MCPH1: variants seen among roughly 807,000 people sequenced by gnomAD.
MCPH1 encodes the protein microcephalin.
Under a neutral mutation model 84.5 loss-of-function variants are expected in MCPH1, and 104 were observed. The observed-to-expected ratio is 1.23, with a 90% CI of 1.05 to 1.45. MCPH1 has a LOEUF of 1.45. Among genes scored for constraint, MCPH1 ranks in the 40% most tolerant of loss-of-function variants. MCPH1 has a pLI of 0.00. For missense variants in MCPH1, 1,498 were observed against 1,005.7 expected, an observed-to-expected ratio of 1.49 and a Z score of -6.62; for synonymous variants, 514 against 366.8, an observed-to-expected ratio of 1.40 and a Z score of -4.58.
At chr8:6,474,100 G>C in intron 9 of MCPH1, 1 of 771,450 alleles carries the variant, frequency 1.3e-6, no homozygotes, top group Non-Finnish European at 2.4e-6. Flanking sequence ...TGTGAAACCA[G>C]CGTTCAGGGA....
chr8:6,526,076 C>A (rs1388754460), intron 12 of MCPH1, among the ~76,000 whole-genome samples: 1 of 151,896 alleles, frequency 6.6e-6, no homozygotes, highest in Non-Finnish European at 1.5e-5. Flanking sequence ...CCCATGTGTT[C>A]CAGGAATCAC....
chr8:6,641,897 G>C (rs1029152449), intron 13 of MCPH1, among the ~76,000 whole-genome samples: 1 of 152,052 alleles, frequency 6.6e-6, no homozygotes. Flanking sequence ...ACAAATGTTA[G>C]TGTTCCTCCC....
intron 12 of MCPH1, among the ~76,000 whole-genome samples, chr8:6,523,711 T>C (rs1357042950): frequency 6.6e-6 from 1 of 152,146 alleles, no homozygotes; most frequent in African/African-American, 2.4e-5. Flanking sequence ...TGCCTCAGCC[T>C]CCTGAGTAGT....
intron 12 of MCPH1, among the ~76,000 whole-genome samples, chr8:6,564,529 T>C (rs1563135322): frequency 6.6e-6 from 1 of 152,210 alleles, no homozygotes; most frequent in Non-Finnish European, 1.5e-5. Flanking sequence ...ATTAATAATA[T>C]GTTAACTCAG....
At chr8:6,592,633 T>TC (rs1828576138) in intron 12 of MCPH1, among the ~76,000 whole-genome samples, 4 of 142,240 alleles carry the variant, frequency 2.8e-5, no homozygotes, top group Non-Finnish European at 6.1e-5. Flanking sequence ...GTTTTTTTTT[T>TC]TTTTTTTTTT....
chr8:6,433,019 A>G (rs1802067974), intron 4 of MCPH1, among the ~76,000 whole-genome samples: 1 of 152,172 alleles, frequency 6.6e-6, no homozygotes, highest in African/African-American at 2.4e-5. Context: ...ACACTCACAC[A>G]TGCATGCTTG....
At chr8:6,463,358 T>A (rs1483533870) in intron 9 of MCPH1, among the ~76,000 whole-genome samples, 1 of 152,216 alleles carries the variant, frequency 6.6e-6, no homozygotes, top group African/African-American at 2.4e-5. Context: ...TGAGCTGCGA[T>A]AGGGTACTCA....
At chr8:6,485,273 C>T (rs1022381880) in intron 11 of MCPH1, among the ~76,000 whole-genome samples, 3 of 151,642 alleles carry the variant, frequency 2.0e-5, no homozygotes, top group East Asian at 1.9e-4. Flanking sequence ...TGCAGTGAGC[C>T]GAGATCACGC....
chr8:6,510,687 C>A (rs1814882343), intron 12 of MCPH1, among the ~76,000 whole-genome samples: 1 of 152,160 alleles, frequency 6.6e-6, no homozygotes, highest in African/African-American at 2.4e-5. Context: ...CCAGATGCAG[C>A]AAATGCCTCT....
intron 12 of MCPH1, among the ~76,000 whole-genome samples, chr8:6,516,788 C>T (rs981346960): frequency 6.6e-6 from 1 of 152,086 alleles, no homozygotes; most frequent in African/African-American, 2.4e-5. Context: ...TCTTCAGTGT[C>T]AAAATTACTG....
At chr8:6,513,348 T>C (rs186609166) in intron 12 of MCPH1, among the ~76,000 whole-genome samples, 300 of 151,730 alleles carry the variant, frequency 2.0e-3, no homozygotes, top group African/African-American at 6.7e-3. Context: ...TTTTTTTTTT[T>C]TTGAGACGGA....
chr8:6,571,699 A>G (rs1826671404), intron 12 of MCPH1, among the ~76,000 whole-genome samples: 1 of 152,196 alleles, frequency 6.6e-6, no homozygotes, highest in Admixed American at 6.5e-5. Context: ...AAAATTGCTT[A>G]TGTCAAAGAA....
intron 12 of MCPH1, among the ~76,000 whole-genome samples, chr8:6,512,904 TCTCTAA>T (rs1361448625): frequency 6.6e-6 from 1 of 152,238 alleles, no homozygotes; most frequent in Non-Finnish European, 1.5e-5. Flanking sequence ...AACTCTGCCA[TCTCTAA>T]ACTTGACAAC....
At chr8:6,482,825 C>G (rs992971945) in intron 11 of MCPH1, among the ~76,000 whole-genome samples, 1 of 152,178 alleles carries the variant, frequency 6.6e-6, no homozygotes, top group Non-Finnish European at 1.5e-5. Context: ...CATTAAAACA[C>G]ATTATTTAAT....
intron 11 of MCPH1, among the ~76,000 whole-genome samples, chr8:6,497,519 T>C (rs1325065892): frequency 6.6e-6 from 1 of 151,792 alleles, no homozygotes; most frequent in Non-Finnish European, 1.5e-5. Flanking sequence ...GAAAAGGAAG[T>C]TGAAAACAGC....
intron 9 of MCPH1, among the ~76,000 whole-genome samples, chr8:6,476,153 G>T (rs765340309): frequency 8.5e-5 from 13 of 152,216 alleles, no homozygotes; most frequent in Non-Finnish European, 1.8e-4. Context: ...TTCAGGCCAG[G>T]CGCGGTGGCT....
Position 6,636,205 on chromosome 8 carries a change from T to C in MCPH1, c.2453-6789T>C, listed in dbSNP as rs1279045678. ...AATTACAAAAATTAGCCGGGCGTGA[T>C]GGCACATGCATGTAGTCCCAGCTAC... On this transcript the variant is annotated intron_variant, in intron 13 of 13. Transcript: ENST00000344683. 7.2e-5 allele frequency among the ~76,000 whole-genome samples: 11 copies of C among 152,166 alleles called. No individual in the cohort carries two copies. In the East Asian group the frequency reaches 1.9e-3, roughly 27 times the overall value.
intron 12 of MCPH1, among the ~76,000 whole-genome samples, chr8:6,612,776 G>C (rs1198626441): frequency 1.3e-5 from 2 of 152,242 alleles, no homozygotes; most frequent in African/African-American, 4.8e-5. Context: ...TGGTGCCTCT[G>C]AGAAGAGGAC....
chr8:6,580,175 G>A (rs79226211), intron 12 of MCPH1, among the ~76,000 whole-genome samples: 1 of 152,292 alleles, frequency 6.6e-6, no homozygotes, highest in African/African-American at 2.4e-5. Context: ...TTGGGCTGGG[G>A]AATGGTCTGA....
Sources: gnomAD v4.1 joint callset for allele counts (sites outside exome capture counted in the v4.1 genomes callset) on GRCh38, gnomAD v4.1.1 for gene constraint, MANE v1.5 for transcripts, NCBI Gene and HGNC (gene_info 2026-07-23, HGNC 2026-07-21) for gene names.